Variants in HYOU1 observed in about 807,000 individuals in gnomAD.
The protein encoded by HYOU1 is hypoxia up-regulated 1.
A neutral mutation model predicts 120.5 loss-of-function variants in HYOU1; 40 were observed. The observed-to-expected ratio is 0.33, with a 90% CI of 0.26 to 0.43. The LOEUF (loss-of-function observed/expected upper bound fraction) is 0.43. Ranked by LOEUF, HYOU1 falls within the 20% of genes least tolerant of loss-of-function variation. HYOU1 has a pLI of 1.00. For synonymous variants in HYOU1, 501 were observed against 479.4 expected (o/e 1.05, Z -0.59); for missense variants, 1,085 against 1,278.3 (o/e 0.85, Z 2.31).
chr11:119,049,155 G>C lies in HYOU1; in HGVS notation c.1855C>G (p.Gln619Glu). The C allele has an allele frequency of 6.2e-7, 1 of 1,611,880 alleles. No homozygotes were observed. The highest frequency in any genetic ancestry group is 8.5e-7 in the Non-Finnish European group (1 of 1,178,896). Residue 619 changes from glutamine to glutamate, a missense_variant, in exon 17 of 26, where the codon CAG becomes GAG. This residue lies in a region of HYOU1 where 516 missense variants were observed against 517.1 expected (regional missense o/e 1.00). Transcript: ENST00000617285. ...TCAGCTTCCTCCTTGAGCTCCACCT[G>C]CTCCCCAGGCTCGTCCTTGCTCCCC... ...AEGSKDEPGE[Q>E]VELKEEAEAP...
intron 1 of HYOU1, chr11:119,056,464 C>A: frequency 2.0e-6 from 1 of 488,488 alleles, no homozygotes; most frequent in Non-Finnish European, 4.0e-6. Context: ...GTCCACCACA[C>A]AGGCAGTGAG....
chr11:119,046,314 A>G, intron 24 of HYOU1, 103 bp downstream of exon 24: 1 of 1,007,832 alleles, frequency 9.9e-7, no homozygotes, highest in Non-Finnish European at 1.5e-6. Flanking sequence ...CGCAAAGGCC[A>G]TTCAAGCTCA....
chr11:119,045,232 A>G lies in HYOU1; in HGVS notation c.*361T>C, dbSNP rs1043314. 0.47 allele frequency: 225,666 copies of G among 477,438 alleles called. 55,309 individuals carry two copies. Among genetic ancestry groups the G allele is most frequent in the East Asian group, 0.78 (12,957 of 16,658 alleles). 29.6% of individuals were successfully genotyped at this position (477,438 alleles called of 1,614,324 possible). On this transcript the variant is annotated 3_prime_UTR_variant, in exon 26 of 26. Coordinates refer to ENST00000617285, the MANE Select transcript of HYOU1 (RefSeq NM_006389.5). ...CACCAGAGAAGAGTGGAAACTCCCC[A>G]GCAACCTGATACCCTTCCCATCACC... is the stretch of plus-strand genomic sequence containing the variant.
rs781831246 is a variant in HYOU1, at chr11:119,045,365, G to C, written c.*228C>G. On this transcript the variant is annotated 3_prime_UTR_variant, in exon 26 of 26. Coordinates refer to ENST00000617285, the MANE Select transcript of HYOU1 (RefSeq NM_006389.5). ...TAGGGCCTATATGGGTAGGGAACAGGGAGTGGGGCTGGGGAGGAGAACAGT... is the reference window on the plus strand; with the variant it reads ...TAGGGCCTATATGGGTAGGGAACAGCGAGTGGGGCTGGGGAGGAGAACAGT... 9 of 681,228 alleles carry C rather than the reference G, an allele frequency of 1.3e-5. No individual in the cohort carries two copies. Among genetic ancestry groups the C allele is most frequent in the Admixed American group, 1.0e-4 (5 of 48,898 alleles). 42.2% of individuals were successfully genotyped at this position (681,228 alleles called of 1,614,324 possible). A position where few individuals can be genotyped will look rare whatever the true frequency, so the allele number is the denominator to read the frequency against.
Position 119,055,851 on chromosome 11 carries a change from G to C in HYOU1, c.92-8C>G, listed in dbSNP as rs1565723586. The C allele has an allele frequency of 1.2e-6, 2 of 1,612,212 alleles. No individual in the cohort carries two copies. The highest frequency in any genetic ancestry group is 3.3e-5 in the Admixed American group (2 of 59,988). On this transcript the variant is annotated splice_region_variant and splice_polypyrimidine_tract_variant and intron_variant, in intron 2 of 25. Transcript: ENST00000617285. This position sits in a 1 kb window ranked among gnomAD's most constrained non-coding sequence, Gnocchi z 4.0. ...ACATCACTGCCAGTGTATCTGAAGG[G>C]AAAAGAGGTTTGTCAGTTAGCTCTC...
At position 119,045,033 on chromosome 11, in the gene HYOU1, GA is replaced by G; in HGVS notation, c.*559del. The G allele has an allele frequency of 4.6e-6, 2 of 430,434 alleles. No individual in the cohort carries two copies. The highest frequency in any genetic ancestry group is 3.1e-5 in the South Asian group (2 of 63,858). 26.7% of individuals were successfully genotyped at this position (430,434 alleles called of 1,614,324 possible). A position where few individuals can be genotyped will look rare whatever the true frequency, so the allele number is the denominator to read the frequency against. ...GCAGGAAGCCAAGGAAACCCAGGGG[GA>G]AAGGAGCTGGATGGGAATGGGGAAG... is the stretch of plus-strand genomic sequence containing the variant. On this transcript the variant is annotated 3_prime_UTR_variant, in exon 26 of 26. Transcript: ENST00000617285.
Position 119,048,991 on chromosome 11 carries a change from C to CA in HYOU1, c.1992+26dup. Reference sequence around the variant, plus strand: ...CCTGCTCCCTTAGCCTCTGGATCCACACTGGCCTTCCTCTGCCACAGCTCA... The same window carrying CA: ...CCTGCTCCCTTAGCCTCTGGATCCACAACTGGCCTTCCTCTGCCACAGCTCA... On this transcript the variant is annotated intron_variant, in intron 17 of 25. Coordinates refer to ENST00000617285, the MANE Select transcript of HYOU1 (RefSeq NM_006389.5). The surrounding 1 kb of genome is among the most constrained non-coding windows in gnomAD (Gnocchi z 4.7). 1 of 1,613,436 alleles carries CA rather than the reference C, an allele frequency of 6.2e-7. No individual in the cohort carries two copies. Among genetic ancestry groups the CA allele is most frequent in the African/African-American group, 1.3e-5 (1 of 75,052 alleles).
Position 119,051,616 on chromosome 11 carries a change from T to G in HYOU1, c.1348A>C (p.Thr450Pro). The G allele has an allele frequency of 2.5e-6, 4 of 1,613,940 alleles. No homozygotes were observed. The highest frequency in any genetic ancestry group is 3.4e-6 in the Non-Finnish European group (4 of 1,179,968). Residue 450 changes from threonine (T) to proline (P), a missense_variant, in exon 13 of 26, where the codon ACG (threonine) becomes CCG (proline). Transcript: ENST00000617285. The surrounding 1 kb of genome is among the most constrained non-coding windows in gnomAD (Gnocchi z 4.2). ...AVVYPILVEFTREVEEEPGIH... is the reference protein window; with the variant it reads ...AVVYPILVEFPREVEEEPGIH... ...CCAGGCTCCTCCTCCACCTCCCTCG[T>G]GAACTCCACCTACACAGCAGGCAGA...
chr11:119,044,287 A>G lies in HYOU1; in HGVS notation c.*1306T>C, dbSNP rs2133539817. 0.084 allele frequency: 12,295 copies of G among 146,846 alleles called. 770 individuals are homozygous for G. Among genetic ancestry groups the G allele is most frequent in the East Asian group, 0.28 (1,317 of 4,754 alleles). 9.1% of individuals were successfully genotyped at this position (146,846 alleles called of 1,614,324 possible). A position where few individuals can be genotyped will look rare whatever the true frequency, so the allele number is the denominator to read the frequency against. On this transcript the variant is annotated 3_prime_UTR_variant, in exon 26 of 26. Transcript: ENST00000617285. ...CCAACCAGCATCAACAGCTACTGAA[A>G]GAATTCAAACATACAGAAGAGGTGG...
intron 15 of HYOU1, 29 bp from the exon 16 acceptor site, chr11:119,049,664 AAGG>A: frequency 6.2e-7 from 1 of 1,613,270 alleles, no homozygotes; most frequent in Non-Finnish European, 8.5e-7. Flanking sequence ...AAAGACTCAA[AAGG>A]AGACCACAGC....
rs2133544622 is a variant in HYOU1, at chr11:119,045,769, C to T, written c.2938+12G>A. On this transcript the variant is annotated intron_variant, in intron 25 of 25. Coordinates refer to ENST00000617285, the MANE Select transcript of HYOU1 (RefSeq NM_006389.5). ...ACCAGGCTTCCCACCGTAGCCCCGG[C>T]TCCATCCTCACCTGCTCCAGGACCT... 1 of 1,613,420 alleles carries T rather than the reference C, an allele frequency of 6.2e-7. No homozygotes were observed. The highest frequency in any genetic ancestry group is 1.7e-5 in the Admixed American group (1 of 59,716).
Position 119,045,198 on chromosome 11 carries a change from A to C in HYOU1, c.*395T>G. 1 of 461,924 alleles carries C rather than the reference A, an allele frequency of 2.2e-6. No individual in the cohort carries two copies. Among genetic ancestry groups the C allele is most frequent in the Non-Finnish European group, 4.4e-6 (1 of 229,452 alleles). The allele number at this position is 461,924 out of a possible 1,614,324, so 28.6% of individuals were successfully genotyped here. ...GCATGGTGGGAGAGGAAGGGAGGGAAGGAACAATCACCAGAGAAGAGTGGA... is the reference window on the plus strand; with the variant it reads ...GCATGGTGGGAGAGGAAGGGAGGGACGGAACAATCACCAGAGAAGAGTGGA... On this transcript the variant is annotated 3_prime_UTR_variant, in exon 26 of 26. Transcript: ENST00000617285.
In HYOU1 at chr11:119,052,583, C is replaced by T. The variant is rs1398620644; in HGVS notation, c.987+54G>A. The T allele has an allele frequency of 4.1e-5, 65 of 1,573,206 alleles. No homozygotes were observed. In the East Asian group the frequency reaches 1.4e-3, roughly 34 times the overall value. On this transcript the variant is annotated intron_variant, in intron 9 of 25. Coordinates refer to ENST00000617285, the MANE Select transcript of HYOU1 (RefSeq NM_006389.5). The surrounding 1 kb of genome is among the most constrained non-coding windows in gnomAD (Gnocchi z 5.0). ...GAGCAGCCCAGTTCAGTGGCAGGGTCCCCCACCCTCTACGTGGGACAAAAT... is the reference window on the plus strand; with the variant it reads ...GAGCAGCCCAGTTCAGTGGCAGGGTTCCCCACCCTCTACGTGGGACAAAAT...
Position 119,047,987 on chromosome 11 carries a change from C to T in HYOU1, c.2470G>A (p.Ala824Thr), listed in dbSNP as rs2133560070. Residue 824 changes from alanine (A) to threonine (T), a missense_variant, in exon 21 of 26, where the codon GCC becomes ACC. Coordinates refer to ENST00000617285, the MANE Select transcript of HYOU1 (RefSeq NM_006389.5). ...GAATGGTTGAGGAGATTATCGAGGG[C>T]AGACAGCCGTTCGGGCCACTTCTTG... is the stretch of plus-strand genomic sequence containing the variant. ...ERKKWPERLSALDNLLNHSSM... is the reference protein window; with the variant it reads ...ERKKWPERLSTLDNLLNHSSM... 8.5e-5 allele frequency: 138 copies of T among 1,614,080 alleles called. No individual in the cohort carries two copies. In the East Asian group the frequency reaches 3.1e-3, roughly 36 times the overall value.
In HYOU1 at chr11:119,051,293, C is replaced by T. The variant is rs2133584053; in HGVS notation, c.1527-120G>A. 2.9e-4 allele frequency: 431 copies of T among 1,497,746 alleles called. No homozygotes were observed. The African/African-American group carries it at 4.8e-3, about 17-fold the overall frequency. The allele number at this position is 1,497,746 out of a possible 1,614,324, so 92.8% of individuals were successfully genotyped here. ...CTCCCCAAGGGCACACTCAAGAGGA[C>T]GGATGCATTCTCCAGCGAAGCTGAT... On this transcript the variant is annotated intron_variant, in intron 13 of 25. Coordinates refer to ENST00000617285, the MANE Select transcript of HYOU1 (RefSeq NM_006389.5). The surrounding 1 kb of genome is among the most constrained non-coding windows in gnomAD (Gnocchi z 4.2).
At position 119,044,844 on chromosome 11, in the gene HYOU1, T is replaced by C. The variant is rs572258283; in HGVS notation, c.*749A>G. The stretch of plus-strand genomic sequence containing the variant: ...GGCACCCCATGCCAACCACTCTACG[T>C]GGCTTTCCTCTTCGGAGAGGTGGTG... On this transcript the variant is annotated 3_prime_UTR_variant, in exon 26 of 26. Transcript: ENST00000617285. 2.2e-5 allele frequency: 6 copies of C among 269,720 alleles called. No homozygotes were observed. Among genetic ancestry groups the C allele is most frequent in the South Asian group, 2.2e-4 (6 of 27,322 alleles). The allele number at this position is 269,720 out of a possible 1,614,324, so 16.7% of individuals were successfully genotyped here.
In HYOU1 at chr11:119,048,462, T is replaced by A; in HGVS notation, c.2253+14A>T. 6.2e-7 allele frequency: 1 copy of A among 1,613,608 alleles called. No homozygotes were observed. Among genetic ancestry groups the A allele is most frequent in the Non-Finnish European group, 8.5e-7 (1 of 1,179,870 alleles). On this transcript the variant is annotated intron_variant, in intron 19 of 25. Coordinates refer to ENST00000617285, the MANE Select transcript of HYOU1 (RefSeq NM_006389.5). The surrounding 1 kb of genome is among the most constrained non-coding windows in gnomAD (Gnocchi z 4.7). ...TAAGCCCAGTGGGGGGGCTGCTGCC[T>A]CCTGCCCACTGACCTGGGTCTCAAA... is the stretch of plus-strand genomic sequence containing the variant.
chr11:119,054,378 G>T, intron 7 of HYOU1, 116 bp downstream of exon 7: 3 of 1,223,382 alleles, frequency 2.5e-6, no homozygotes, highest in Non-Finnish European at 3.6e-6. Context: ...GGAGGCTATT[G>T]GTGCATTTTG....
intron 22 of HYOU1, 36 bp downstream of exon 22, chr11:119,047,698 G>A: frequency 6.5e-7 from 1 of 1,544,538 alleles, no homozygotes; most frequent in Non-Finnish European, 9.0e-7. Flanking sequence ...TAGGATGGCA[G>A]CTAAGTATCT....
Sources: gnomAD v4.1 joint callset for allele counts on GRCh38, gnomAD v4.1.1 for gene constraint, gnomAD v4.1.1 regional missense constraint, Gnocchi (gnomAD v3.1) non-coding constraint, MANE v1.5 for transcripts, NCBI Gene and HGNC (gene_info 2026-07-23, HGNC 2026-07-21) for gene names.